PNPT1: variants seen among roughly 807,000 people sequenced by gnomAD.
PNPT1 encodes polyribonucleotide nucleotidyltransferase 1, mitochondrial.
PNPT1 carries 53 observed loss-of-function variants against 119.5 expected under a neutral mutation model. The observed-to-expected ratio is 0.44, with a 90% CI of 0.36 to 0.56. The LOEUF (loss-of-function observed/expected upper bound fraction) is 0.56, where lower values mean the gene tolerates loss of function less well. Ranked by LOEUF, PNPT1 falls within the 20% of genes least tolerant of loss-of-function variation. PNPT1 has a pLI of 0.00. For missense variants in PNPT1, 948 were observed against 938.5 expected (o/e 1.01, Z -0.13); for synonymous variants, 357 against 322.1 (o/e 1.11, Z -1.16).
intron 26 of PNPT1, among the ~76,000 whole-genome samples, chr2:55,640,162 C>CT (rs901855449): frequency 7.4e-5 from 11 of 149,102 alleles, no homozygotes; most frequent in South Asian, 2.1e-4. Flanking sequence ...AACAGACACT[C>CT]TTTTTTTTTT....
chr2:55,651,902 A>C (rs943475692), intron 18 of PNPT1, among the ~76,000 whole-genome samples: 2 of 148,700 alleles, frequency 1.3e-5, no homozygotes, highest in African/African-American at 4.9e-5. Flanking sequence ...AAAAAAAAAA[A>C]AACAATAACC....
chr2:55,670,261 G>A (rs567147445), intron 11 of PNPT1, among the ~76,000 whole-genome samples: 247 of 151,542 alleles, frequency 1.6e-3, no homozygotes, highest in African/African-American at 5.7e-3. Context: ...ATCTCGACTC[G>A]CTGCAAGCTC....
chr2:55,644,220 G>C (rs1695920584), intron 23 of PNPT1, among the ~76,000 whole-genome samples: 1 of 152,016 alleles, frequency 6.6e-6, no homozygotes, highest in African/African-American at 2.4e-5. Context: ...GAAGTACGAG[G>C]TAATTCAAAC....
intron 18 of PNPT1, among the ~76,000 whole-genome samples, chr2:55,654,651 T>C (rs1202298232): frequency 6.6e-6 from 1 of 152,246 alleles, no homozygotes; most frequent in Non-Finnish European, 1.5e-5. Flanking sequence ...GATTTGGCCA[T>C]CTGTAATCTG....
intron 15 of PNPT1, among the ~76,000 whole-genome samples, chr2:55,659,142 G>T (rs1259414108): frequency 6.6e-6 from 1 of 152,032 alleles, no homozygotes; most frequent in Non-Finnish European, 1.5e-5. Context: ...TTCTTGTAGA[G>T]ACAGGATCTC....
chr2:55,680,425 T>TAA (rs35483599), intron 7 of PNPT1, among the ~76,000 whole-genome samples: 1 of 132,220 alleles, frequency 7.6e-6, no homozygotes, highest in Non-Finnish European at 1.6e-5. Flanking sequence ...ATTTCCCAGT[T>TAA]AAAAAAAAAA....
intron 18 of PNPT1, among the ~76,000 whole-genome samples, chr2:55,649,517 A>T (rs556983367): frequency 1.4e-3 from 210 of 152,266 alleles, no homozygotes; most frequent in African/African-American, 5.0e-3. Context: ...GTCTGAGTCC[A>T]TATCATTTCT....
intron 18 of PNPT1, among the ~76,000 whole-genome samples, chr2:55,649,544 T>C (rs1053536078): frequency 2.6e-5 from 4 of 152,216 alleles, no homozygotes; most frequent in Non-Finnish European, 5.9e-5. Context: ...GGCAACAATC[T>C]CCCTGTCTGG....
At chr2:55,648,720 G>A (rs1376825298) in intron 18 of PNPT1, among the ~76,000 whole-genome samples, 1 of 151,926 alleles carries the variant, frequency 6.6e-6, no homozygotes, top group Non-Finnish European at 1.5e-5. Flanking sequence ...TTATTAAAAT[G>A]TAAAGATAAA....
intron 1 of PNPT1, among the ~76,000 whole-genome samples, chr2:55,692,514 CT>C (rs34088817): frequency 8.6e-5 from 13 of 151,504 alleles, no homozygotes; most frequent in Non-Finnish European, 1.2e-4. Context: ...TTAAAGCAAA[CT>C]TTTTTTTTAA....
At chr2:55,641,328 G>A (rs1472753195) in intron 25 of PNPT1, among the ~76,000 whole-genome samples, 1 of 141,910 alleles carries the variant, frequency 7.0e-6, no homozygotes, top group Non-Finnish European at 1.5e-5. Context: ...GAGTGCAGTG[G>A]TGCCATCTGG....
intron 5 of PNPT1, among the ~76,000 whole-genome samples, chr2:55,681,407 T>C (rs1697244157): frequency 6.6e-6 from 1 of 151,534 alleles, no homozygotes; most frequent in Non-Finnish European, 1.5e-5. Context: ...AATCTGTCTC[T>C]AAATAAATAA....
intron 15 of PNPT1, among the ~76,000 whole-genome samples, chr2:55,658,826 C>CA (rs1434942859): frequency 1.3e-5 from 2 of 152,074 alleles, no homozygotes; most frequent in Non-Finnish European, 2.9e-5. Flanking sequence ...ATAATTTCTA[C>CA]AAAAAAATGT....
At position 55,672,922 on chromosome 2, in the gene PNPT1, A is replaced by G. The variant is rs763880660; in HGVS notation, c.837T>C (p.Pro279=). 2 of 1,606,526 alleles carry G rather than the reference A, an allele frequency of 1.2e-6. No individual in the cohort carries two copies. Among genetic ancestry groups the G allele is most frequent in the Non-Finnish European group, 8.5e-7 (1 of 1,178,110 alleles). The change falls in exon 9 of 28, where the codon CCT becomes CCC. Residue 279 remains proline, a synonymous_variant. Transcript: ENST00000447944. The part of the protein sequence containing the change: ...TKRTPQKLFT[P]SPEIVKYTHK... ...GAGTATATTTCACAATCTCTGGCGA[A>G]GGGGTAAATAACTTCTGAGGTGTCC...
chr2:55,687,163 G>A (rs999444128), intron 2 of PNPT1, among the ~76,000 whole-genome samples: 14 of 142,676 alleles, frequency 9.8e-5, no homozygotes, highest in Non-Finnish European at 1.6e-4. Context: ...GCAGTGAACC[G>A]AGATCGCGCC....
intron 13 of PNPT1, 56 bp downstream of exon 13, chr2:55,666,935 G>A: frequency 3.5e-6 from 4 of 1,145,530 alleles, no homozygotes; most frequent in Non-Finnish European, 3.7e-6. Flanking sequence ...ACTTCTATTA[G>A]ATCTAATTAA....
At chr2:55,692,530 C>A (rs1035533328) in intron 1 of PNPT1, among the ~76,000 whole-genome samples, 1 of 151,606 alleles carries the variant, frequency 6.6e-6, no homozygotes, top group Non-Finnish European at 1.5e-5. Flanking sequence ...TTTTAAAAAG[C>A]GGTCCCCTAA....
In PNPT1 at chr2:55,663,881, G is replaced by A. The variant is rs553452829; in HGVS notation, c.1177-1855C>T. Reference sequence around the variant, plus strand: ...GCCTATAGTCCCAGCTACTTGGGAGGCTGAGGCAGGAGAATGGCAGGGGCA... The same window carrying A: ...GCCTATAGTCCCAGCTACTTGGGAGACTGAGGCAGGAGAATGGCAGGGGCA... On this transcript the variant is annotated intron_variant, in intron 13 of 27. Coordinates refer to ENST00000447944, the MANE Select transcript of PNPT1 (RefSeq NM_033109.5). Among the ~76,000 whole-genome samples, 7 of 152,252 alleles carry A rather than the reference G, an allele frequency of 4.6e-5. No homozygotes were observed. The South Asian group carries it at 1.2e-3, about 27-fold the overall frequency.
At chr2:55,688,735 CAAAACAA>C (rs1697498624) in intron 1 of PNPT1, among the ~76,000 whole-genome samples, 1 of 151,434 alleles carries the variant, frequency 6.6e-6, no homozygotes, top group African/African-American at 2.4e-5. Flanking sequence ...AAAAACAAAA[CAAAACAA>C]AACAACAACA....
Sources: gnomAD v4.1 joint callset for allele counts (sites outside exome capture counted in the v4.1 genomes callset) on GRCh38, gnomAD v4.1.1 for gene constraint, MANE v1.5 for transcripts, NCBI Gene and HGNC (gene_info 2026-07-23, HGNC 2026-07-21) for gene names.